The following ABTB3 variants were observed in gnomAD, a reference collection of about 807,000 sequenced individuals.
The protein encoded by ABTB3 is ankyrin repeat and BTB domain containing 3, also known as ankyrin repeat- and BTB/POZ domain-containing protein 3.
the ABTB3 span, among the ~76,000 whole-genome samples, chr12:107,565,726 C>T: frequency 6.6e-6 from 1 of 152,168 alleles, no homozygotes; most frequent in Non-Finnish European, 1.5e-5. Flanking sequence ...TACAGCCGGC[C>T]CCAGAAATCA....
the ABTB3 span, among the ~76,000 whole-genome samples, chr12:107,573,905 G>A: frequency 6.6e-6 from 1 of 152,222 alleles, no homozygotes; most frequent in African/African-American, 2.4e-5. Flanking sequence ...TCAGAGTAAT[G>A]TCCAGACTAC....
chr12:107,482,953 T>TTTCTTTCTTTCTTTCC, the ABTB3 span, among the ~76,000 whole-genome samples: 1 of 49,476 alleles, frequency 2.0e-5, no homozygotes, highest in African/African-American at 7.8e-5. Flanking sequence ...TCTTTCTTTC[T>TTTCTTTCTTTCTTTCC]TTCTTTCTTT....
chr12:107,418,922 G>A, the ABTB3 span, among the ~76,000 whole-genome samples: 1 of 152,160 alleles, frequency 6.6e-6, no homozygotes, highest in Non-Finnish European at 1.5e-5. Flanking sequence ...CCCCATGAAA[G>A]TCCAGTGGCT....
At chr12:107,632,487 G>A in the ABTB3 span, among the ~76,000 whole-genome samples, 2 of 152,176 alleles carry the variant, frequency 1.3e-5, no homozygotes, top group Admixed American at 6.5e-5. Flanking sequence ...TACTTACCAC[G>A]TGTCCACTAT....
the ABTB3 span, among the ~76,000 whole-genome samples, chr12:107,454,150 C>T: frequency 1.4e-4 from 22 of 152,240 alleles, no homozygotes; most frequent in African/African-American, 2.2e-4. Flanking sequence ...TGAGTACATA[C>T]CCACATCTAC....
the ABTB3 span, among the ~76,000 whole-genome samples, chr12:107,521,055 G>A: frequency 1.2e-4 from 18 of 152,306 alleles, no homozygotes; most frequent in East Asian, 3.1e-3. Context: ...CCGTGAGAAT[G>A]TGCATGCCAG....
chr12:107,456,305 G>A, the ABTB3 span, among the ~76,000 whole-genome samples: 11 of 152,210 alleles, frequency 7.2e-5, no homozygotes, highest in South Asian at 4.1e-4. Context: ...GAACTGGGCC[G>A]CATAGCAGGA....
At chr12:107,419,400 T>C in the ABTB3 span, among the ~76,000 whole-genome samples, 23 of 152,160 alleles carry the variant, frequency 1.5e-4, no homozygotes, top group Non-Finnish European at 4.4e-5. Context: ...CCTGCCTGCC[T>C]CTCCAGACCC....
At chr12:107,550,458 C>G in the ABTB3 span, among the ~76,000 whole-genome samples, 1 of 149,528 alleles carries the variant, frequency 6.7e-6, no homozygotes, top group East Asian at 2.0e-4. Flanking sequence ...GGAAAATTCT[C>G]TGAACACAGT....
chr12:107,571,874 G>C, the ABTB3 span, among the ~76,000 whole-genome samples: 16 of 152,324 alleles, frequency 1.1e-4, no homozygotes, highest in Non-Finnish European at 2.4e-4. Flanking sequence ...AGCTTGCTGA[G>C]CATCCTGCAG....
At chr12:107,526,384 G>A in the ABTB3 span, among the ~76,000 whole-genome samples, 3 of 152,166 alleles carry the variant, frequency 2.0e-5, no homozygotes, top group African/African-American at 7.2e-5. Context: ...GGTCCAGTTC[G>A]TCTTTCCTGA....
At chr12:107,500,003 C>A in the ABTB3 span, among the ~76,000 whole-genome samples, 1 of 152,038 alleles carries the variant, frequency 6.6e-6, no homozygotes, top group African/African-American at 2.4e-5. Flanking sequence ...ACTTTTAAAC[C>A]ATCAGATTTC....
At chr12:107,319,281 C>A in the ABTB3 span, 1 of 1,544,724 alleles carries the variant, frequency 6.5e-7, no homozygotes, top group Admixed American at 1.9e-5. Context: ...TCGCGGGATC[C>A]CCGGGCAGGC....
the ABTB3 span, among the ~76,000 whole-genome samples, chr12:107,350,711 G>A: frequency 6.6e-6 from 1 of 152,152 alleles, no homozygotes; most frequent in Admixed American, 6.5e-5. Context: ...CAAAATGCTG[G>A]AGGAGATTGG....
At chr12:107,355,468 A>G in the ABTB3 span, among the ~76,000 whole-genome samples, 1 of 152,184 alleles carries the variant, frequency 6.6e-6, no homozygotes, top group Non-Finnish European at 1.5e-5. Flanking sequence ...GGATAAACAA[A>G]GTCATTTTCT....
chr12:107,510,129 C>T, the ABTB3 span, among the ~76,000 whole-genome samples: 2 of 152,216 alleles, frequency 1.3e-5, no homozygotes, highest in South Asian at 2.1e-4. Context: ...CGGCCAGGTC[C>T]GTCCGATGCC....
chr12:107,483,369 T>A, the ABTB3 span, among the ~76,000 whole-genome samples: 1 of 152,150 alleles, frequency 6.6e-6, no homozygotes, highest in Admixed American at 6.5e-5. Context: ...TTATCCTTAG[T>A]TTTCCTGTAG....
the ABTB3 span, among the ~76,000 whole-genome samples, chr12:107,452,866 A>G: frequency 6.6e-6 from 1 of 152,188 alleles, no homozygotes; most frequent in Non-Finnish European, 1.5e-5. Flanking sequence ...GTAAACAACA[A>G]CAACAAAAAT....
At chr12:107,328,367 A>G in the ABTB3 span, among the ~76,000 whole-genome samples, 1 of 152,236 alleles carries the variant, frequency 6.6e-6, no homozygotes, top group Non-Finnish European at 1.5e-5. Context: ...CTAGCATCTC[A>G]TATGCACTTA....
Sources: allele counts gnomAD v4.1 joint callset (sites outside exome capture counted in the v4.1 genomes callset), GRCh38; gene constraint gnomAD v4.1.1; transcripts MANE v1.5; gene names NCBI Gene and HGNC (gene_info 2026-07-23, HGNC 2026-07-21).